PLS1: variants seen among roughly 807,000 people sequenced by gnomAD.
PLS1 encodes the protein plastin 1.
A neutral mutation model predicts 73.7 loss-of-function variants in PLS1; 32 were observed. The ratio of observed to expected loss-of-function variants is 0.43; its 90% CI spans 0.33 to 0.58. The LOEUF (loss-of-function observed/expected upper bound fraction) is 0.58. PLS1 is among the 20% of genes least tolerant of loss of function. PLS1 has a pLI of 0.04. For missense variants in PLS1, 633 were observed against 740.5 expected (o/e 0.85, Z 1.68); for synonymous variants, 217 against 261.3 (o/e 0.83, Z 1.63).
intron 1 of PLS1, among the ~76,000 whole-genome samples, chr3:142,655,419 C>A (rs2037203330): frequency 1.3e-5 from 2 of 152,128 alleles, no homozygotes; most frequent in South Asian, 4.1e-4. Context: ...GATTGTCAGG[C>A]CTCCCTTTAA....
chr3:142,694,182 A>G (rs1487090062), intron 10 of PLS1, among the ~76,000 whole-genome samples: 1 of 152,146 alleles, frequency 6.6e-6, no homozygotes, highest in Non-Finnish European at 1.5e-5. Context: ...AGACCACAGA[A>G]GTGTATCTGT....
chr3:142,695,135 A>G (rs1005283546), intron 11 of PLS1, among the ~76,000 whole-genome samples: 9 of 152,178 alleles, frequency 5.9e-5, no homozygotes, highest in Non-Finnish European at 1.2e-4. Context: ...TTATTATACA[A>G]TCTACCAGCC....
At chr3:142,698,119 A>G (rs2038249828) in intron 12 of PLS1, 52 bp downstream of exon 12, 1 of 1,061,414 alleles carries the variant, frequency 9.4e-7, no homozygotes, top group Admixed American at 1.8e-5. Flanking sequence ...ATATGAAACA[A>G]AGAATTTAGA....
intron 1 of PLS1, among the ~76,000 whole-genome samples, chr3:142,616,705 C>T (rs2036221952): frequency 3.3e-5 from 5 of 152,094 alleles, no homozygotes; most frequent in Admixed American, 3.3e-4. Flanking sequence ...CGGGTTCTAG[C>T]GATTCTCCTG....
intron 1 of PLS1, among the ~76,000 whole-genome samples, chr3:142,606,378 A>C (rs73228762): frequency 0.095 from 14,385 of 152,220 alleles, 833 homozygotes; most frequent in Non-Finnish European, 0.13. Flanking sequence ...TATCAACCAC[A>C]CGTTGTCAAA....
At chr3:142,610,258 G>A (rs1039130586) in intron 1 of PLS1, among the ~76,000 whole-genome samples, 2 of 152,136 alleles carry the variant, frequency 1.3e-5, no homozygotes, top group Non-Finnish European at 2.9e-5. Flanking sequence ...CCATCAACTT[G>A]CCTTGTTTGA....
At chr3:142,618,277 G>T (rs967488677) in intron 1 of PLS1, among the ~76,000 whole-genome samples, 1 of 152,096 alleles carries the variant, frequency 6.6e-6, no homozygotes, top group African/African-American at 2.4e-5. Context: ...CCACCCTGCT[G>T]CATCTCCCAA....
chr3:142,690,611 T>C (rs2038066495), intron 10 of PLS1, among the ~76,000 whole-genome samples: 1 of 152,218 alleles, frequency 6.6e-6, no homozygotes, highest in Admixed American at 6.5e-5. Flanking sequence ...CTGGAATTCA[T>C]GATTTGATGT....
intron 1 of PLS1, among the ~76,000 whole-genome samples, chr3:142,629,150 T>C (rs2036496463): frequency 6.6e-6 from 1 of 152,066 alleles, no homozygotes; most frequent in South Asian, 2.1e-4. Context: ...TAAGTAAAAA[T>C]AGAGATAACA....
At chr3:142,673,901 A>C (rs540062741) in intron 4 of PLS1, 9 of 152,216 alleles carry the variant, frequency 5.9e-5, no homozygotes, top group Non-Finnish European at 1.2e-4. Flanking sequence ...AGTTTCTTCA[A>C]TTCTCACCAA....
chr3:142,639,104 A>G (rs1469336952), intron 1 of PLS1, among the ~76,000 whole-genome samples: 3 of 152,188 alleles, frequency 2.0e-5, no homozygotes, highest in East Asian at 1.9e-4. Context: ...AGACTTCCTT[A>G]GGGTAAAACA....
intron 1 of PLS1, among the ~76,000 whole-genome samples, chr3:142,639,184 G>C (rs1209745302): frequency 6.6e-6 from 1 of 152,192 alleles, no homozygotes; most frequent in Non-Finnish European, 1.5e-5. Flanking sequence ...TACGTTTTCA[G>C]AAACTTCGTC....
At position 142,605,381 on chromosome 3, in the gene PLS1, AT is replaced by A. The variant is rs2036000301; in HGVS notation, c.-37+8879del. On this transcript the variant is annotated intron_variant, in intron 1 of 15. Coordinates refer to ENST00000457734, the MANE Select transcript of PLS1 (RefSeq NM_001145319.2). ...AACATTTGAAAAAATGTCAGGGTTA[AT>A]TTTTTTGAGACAGAGTCTTGCTCCG... is the stretch of plus-strand genomic sequence containing the variant. 2.0e-5 allele frequency among the ~76,000 whole-genome samples: 3 copies of A among 152,224 alleles called. 1 individual carries two copies. The South Asian group carries it at 6.2e-4, about 32-fold the overall frequency.
At chr3:142,681,985 A>G (rs1308368303) in intron 6 of PLS1, among the ~76,000 whole-genome samples, 4 of 152,370 alleles carry the variant, frequency 2.6e-5, no homozygotes, top group Admixed American at 1.3e-4. Flanking sequence ...TGTATGACCA[A>G]CACAACCCGT....
chr3:142,684,236 C>G lies in PLS1; in HGVS notation c.746-17C>G. On this transcript the variant is annotated splice_polypyrimidine_tract_variant and intron_variant, in intron 7 of 15. Transcript: ENST00000457734. ...CTTGCTATGGGAAGAATTTACATTT[C>G]GCTGTTTTGCCCTCAGCTCTGATTG... 1 of 1,613,844 alleles carries G rather than the reference C, an allele frequency of 6.2e-7. No homozygotes were observed. Among genetic ancestry groups the G allele is most frequent in the Non-Finnish European group, 8.5e-7 (1 of 1,179,798 alleles).
Position 142,639,062 on chromosome 3 carries a change from G to A in PLS1, c.-36-25140G>A, listed in dbSNP as rs747706407. ...GGCCTATCTTTATGTTTATTATAAC[G>A]TAATTTCTATCATCAGTACTTATAT... On this transcript the variant is annotated intron_variant, in intron 1 of 15. Transcript: ENST00000457734. Among the ~76,000 whole-genome samples the A allele has an allele frequency of 3.9e-5, 6 of 152,180 alleles. No individual in the cohort carries two copies. In the South Asian group the frequency reaches 8.3e-4, roughly 21 times the overall value.
chr3:142,609,407 C>G (rs986335666), intron 1 of PLS1, among the ~76,000 whole-genome samples: 1 of 150,308 alleles, frequency 6.7e-6, no homozygotes, highest in African/African-American at 2.5e-5. Flanking sequence ...GTGGTCCCAC[C>G]AGAGGAAGGG....
At chr3:142,676,545 G>C (rs2037729913) in intron 5 of PLS1, among the ~76,000 whole-genome samples, 1 of 152,100 alleles carries the variant, frequency 6.6e-6, no homozygotes, top group Non-Finnish European at 1.5e-5. Context: ...AATCTTTTGA[G>C]TTATTTGTCT....
At chr3:142,654,027 A>G (rs113868824) in intron 1 of PLS1, among the ~76,000 whole-genome samples, 2,759 of 152,266 alleles carry the variant, frequency 0.018, 83 homozygotes, top group African/African-American at 0.062. Flanking sequence ...ACTAGGGGCC[A>G]CATGTTGGGG....
Sources: gnomAD v4.1 joint callset for allele counts (sites outside exome capture counted in the v4.1 genomes callset) on GRCh38, gnomAD v4.1.1 for gene constraint, MANE v1.5 for transcripts, NCBI Gene and HGNC (gene_info 2026-07-23, HGNC 2026-07-21) for gene names.